The following TMEM232 variants were observed in gnomAD, a reference collection of about 807,000 sequenced individuals.
TMEM232 encodes the protein transmembrane protein 232.
A neutral mutation model predicts 78.8 loss-of-function variants in TMEM232; 80 were observed. The ratio of observed to expected loss-of-function variants is 1.01; its 90% CI spans 0.85 to 1.22. TMEM232 has a LOEUF of 1.22. TMEM232 is among the 50% of genes most tolerant of loss of function. The pLI is 0.00. For synonymous variants in TMEM232, 297 were observed against 254.3 expected, an observed-to-expected ratio of 1.17 and a Z score of -1.60; for missense variants, 881 against 742.2, an observed-to-expected ratio of 1.19 and a Z score of -2.17.
intron 12 of TMEM232, among the ~76,000 whole-genome samples, chr5:110,469,186 C>A (rs1485990325): frequency 6.6e-6 from 1 of 152,136 alleles, no homozygotes; most frequent in Admixed American, 6.5e-5. Context: ...ATACTGTGCC[C>A]CTCGCTCAGT....
At chr5:110,664,164 A>C (rs1219269299) in intron 2 of TMEM232, among the ~76,000 whole-genome samples, 1 of 152,042 alleles carries the variant, frequency 6.6e-6, no homozygotes, top group Non-Finnish European at 1.5e-5. Flanking sequence ...TAAAAAAAGG[A>C]CACACCTGCA....
chr5:110,397,288 T>C (rs957529675), intron 3 of TMEM232, among the ~76,000 whole-genome samples: 1 of 152,154 alleles, frequency 6.6e-6, no homozygotes, highest in Admixed American at 6.5e-5. Context: ...GAAAAACATG[T>C]ATAACATACT....
chr5:110,737,418 C>A (rs1315508259), intron 1 of TMEM232, among the ~76,000 whole-genome samples: 1 of 152,020 alleles, frequency 6.6e-6, no homozygotes, highest in Non-Finnish European at 1.5e-5. Flanking sequence ...ATTTTGGAGT[C>A]AAAAAATATG....
rs368240984 is a variant in TMEM232, at chr5:110,520,666, T to C, written c.1703+7922A>G. The stretch of plus-strand genomic sequence containing the variant: ...TGGGCATGGTGGCTCATGCCTGTAA[T>C]CCCAGCACTTTGGGAGGCCGAGGCG... On this transcript the variant is annotated intron_variant, in intron 12 of 13. Transcript: ENST00000455884. 2.0e-5 allele frequency among the ~76,000 whole-genome samples: 3 copies of C among 152,282 alleles called. No individual in the cohort carries two copies. In the East Asian group the frequency reaches 5.8e-4, roughly 29 times the overall value.
intron 12 of TMEM232, among the ~76,000 whole-genome samples, chr5:110,432,263 C>T (rs1465538145): frequency 1.3e-5 from 2 of 151,474 alleles, no homozygotes; most frequent in African/African-American, 2.4e-5. Flanking sequence ...AAAGAGAAAC[C>T]CATCAGACTA....
chr5:110,460,230 T>C (rs1761353190), intron 12 of TMEM232, among the ~76,000 whole-genome samples: 1 of 151,874 alleles, frequency 6.6e-6, no homozygotes, highest in Admixed American at 6.6e-5. Flanking sequence ...TACACTGGGG[T>C]GTTAAGGGGA....
chr5:110,494,720 G>A (rs1174594267), intron 12 of TMEM232, among the ~76,000 whole-genome samples: 2 of 151,926 alleles, frequency 1.3e-5, no homozygotes, highest in Non-Finnish European at 2.9e-5. Flanking sequence ...CAGAGACACT[G>A]AAAAATACCT....
chr5:110,478,260 T>TA (rs1368038527), intron 12 of TMEM232, among the ~76,000 whole-genome samples: 1 of 151,956 alleles, frequency 6.6e-6, no homozygotes, highest in African/African-American at 2.4e-5. Flanking sequence ...AATGAAATAT[T>TA]AAAAAGATAA....
At chr5:110,698,114 A>T (rs934378292) in intron 1 of TMEM232, among the ~76,000 whole-genome samples, 19 of 152,238 alleles carry the variant, frequency 1.2e-4, no homozygotes, top group Admixed American at 3.3e-4. Context: ...GCCATAAAAA[A>T]GGATGAGTTC....
chr5:110,419,892 T>C lies in TMEM232; in HGVS notation c.*688A>G, dbSNP rs1317232880. Among the ~76,000 whole-genome samples the C allele has an allele frequency of 6.6e-6, 1 of 152,182 alleles. No individual in the cohort carries two copies. The highest frequency in any genetic ancestry group is 2.4e-5 in the African/African-American group (1 of 41,458). ...ATTTCTAAAATAACTCCTATTTCTA[T>C]GAATGTCTTCAGCAGTTGCTCCTGG... On this transcript the variant is annotated 3_prime_UTR_variant, in exon 14 of 14. Coordinates refer to ENST00000455884, the MANE Select transcript of TMEM232 (RefSeq NM_001039763.4).
At chr5:110,408,234 A>G (rs1755865834) in intron 2 of TMEM232, among the ~76,000 whole-genome samples, 1 of 152,108 alleles carries the variant, frequency 6.6e-6, no homozygotes, top group Admixed American at 6.6e-5. Context: ...GCAAGAACAA[A>G]CCAATTAGTA....
chr5:110,445,927 T>A (rs1311526794), intron 12 of TMEM232, among the ~76,000 whole-genome samples: 1 of 152,140 alleles, frequency 6.6e-6, no homozygotes, highest in Non-Finnish European at 1.5e-5. Context: ...TTGGAAGTGG[T>A]ATCTCATCAC....
chr5:110,521,128 G>A (rs1769440711), intron 12 of TMEM232, among the ~76,000 whole-genome samples: 1 of 152,072 alleles, frequency 6.6e-6, no homozygotes, highest in African/African-American at 2.4e-5. Flanking sequence ...GCCAGCTGGG[G>A]CACTGATTCT....
intron 1 of TMEM232, among the ~76,000 whole-genome samples, chr5:110,681,851 A>G (rs1792790719): frequency 6.6e-6 from 1 of 152,250 alleles, no homozygotes; most frequent in Non-Finnish European, 1.5e-5. Flanking sequence ...GAAATAATTC[A>G]TAACATTTCA....
At chr5:110,599,496 G>T (rs1465820922) in intron 10 of TMEM232, among the ~76,000 whole-genome samples, 1 of 151,804 alleles carries the variant, frequency 6.6e-6, no homozygotes, top group Non-Finnish European at 1.5e-5. Context: ...CAAATGGAAA[G>T]CAAAAATGCA....
At chr5:110,529,381 G>T (rs1771093991) in intron 11 of TMEM232, among the ~76,000 whole-genome samples, 1 of 151,974 alleles carries the variant, frequency 6.6e-6, no homozygotes, top group African/African-American at 2.4e-5. Context: ...AAGTAGCTAG[G>T]ACTACAGGCA....
intron 11 of TMEM232, among the ~76,000 whole-genome samples, chr5:110,568,004 T>C (rs570142538): frequency 1.3e-5 from 2 of 151,980 alleles, no homozygotes; most frequent in Non-Finnish European, 2.9e-5. Context: ...CATCCTAACA[T>C]AGCCCTCAAA....
intron 12 of TMEM232, among the ~76,000 whole-genome samples, chr5:110,433,169 C>G (rs1053074999): frequency 1.3e-5 from 2 of 151,780 alleles, no homozygotes; most frequent in Non-Finnish European, 2.9e-5. Context: ...CCAACAACGA[C>G]AGAATAGACA....
intron 3 of TMEM232, among the ~76,000 whole-genome samples, chr5:110,394,361 C>T (rs1755311677): frequency 6.6e-6 from 1 of 152,158 alleles, no homozygotes; most frequent in Non-Finnish European, 1.5e-5. Context: ...TGTTGTTGAC[C>T]ACTTAGGTTT....
Sources: allele counts gnomAD v4.1 joint callset (sites outside exome capture counted in the v4.1 genomes callset), GRCh38; gene constraint gnomAD v4.1.1; transcripts MANE v1.5; gene names NCBI Gene and HGNC (gene_info 2026-07-23, HGNC 2026-07-21).